DHRSX: variants seen among roughly 807,000 people sequenced by gnomAD.
DHRSX encodes the protein polyprenol dehydrogenase.
Under a neutral mutation model 34.0 loss-of-function variants are expected in DHRSX, and 31 were observed. The ratio of observed to expected loss-of-function variants is 0.91; its 90% confidence interval spans 0.69 to 1.23. The LOEUF is 1.23. Among genes scored for constraint, DHRSX ranks in the 50% most tolerant of loss-of-function variants. The pLI is 0.00. For missense variants in DHRSX, 414 were observed against 428.1 expected, an observed-to-expected ratio of 0.97 and a Z score of 0.29; for synonymous variants, 201 against 183.8, an observed-to-expected ratio of 1.09 and a Z score of -0.76.
intron 6 of DHRSX, among the ~76,000 whole-genome samples, chrX:2,236,408 G>A (rs2016016459): frequency 6.6e-6 from 1 of 152,062 alleles, no homozygotes; most frequent in Admixed American, 6.6e-5. Flanking sequence ...AGTCCCTGGT[G>A]GCTCTACCTG....
intron 1 of DHRSX, among the ~76,000 whole-genome samples, chrX:2,440,930 G>C (rs7882515): frequency 0.12 from 17,763 of 152,124 alleles, 1,946 homozygotes; most frequent in African/African-American, 0.29. Flanking sequence ...AGCATGAAGA[G>C]CAACGCTGTA....
At chrX:2,347,179 G>C (rs1295911485) in intron 3 of DHRSX, among the ~76,000 whole-genome samples, 4 of 152,196 alleles carry the variant, frequency 2.6e-5, no homozygotes, top group African/African-American at 4.8e-5. Context: ...AGTTCCACGT[G>C]GCTGGGGAAG....
intron 5 of DHRSX, among the ~76,000 whole-genome samples, chrX:2,243,796 T>TTTGTTTTGTTTTG (rs1362801766): frequency 1.5e-5 from 1 of 66,642 alleles, no homozygotes; most frequent in African/African-American, 8.7e-5. Context: ...CTGTTTTTTT[T>TTTGTTTTGTTTTG]TTTTTTTTTT....
intron 2 of DHRSX, among the ~76,000 whole-genome samples, chrX:2,419,823 TGGGGGGA>T (rs1454981898): frequency 1.6e-4 from 4 of 25,110 alleles, no homozygotes; most frequent in South Asian, 2.9e-3. Context: ...TGTTGTGGGG[TGGGGGGA>T]GGGGGGAGGG....
At chrX:2,477,576 G>A (rs2044699704) in intron 1 of DHRSX, among the ~76,000 whole-genome samples, 1 of 152,148 alleles carries the variant, frequency 6.6e-6, no homozygotes, top group Admixed American at 6.5e-5. Flanking sequence ...CCAGGCGCGG[G>A]GGCTCACACC....
chrX:2,366,052 G>C (rs1029557070), intron 3 of DHRSX, among the ~76,000 whole-genome samples: 2 of 152,030 alleles, frequency 1.3e-5, no homozygotes, highest in Non-Finnish European at 2.9e-5. Flanking sequence ...TTCACCACAC[G>C]GCCAATTTAT....
chrX:2,396,380 T>TTTTC (rs1556504766), intron 3 of DHRSX, among the ~76,000 whole-genome samples: 7 of 139,342 alleles, frequency 5.0e-5, no homozygotes, highest in Non-Finnish European at 1.1e-4. Flanking sequence ...TTTTTCTTTT[T>TTTTC]TTTTTTTTTT....
At chrX:2,227,050 CTCCATGAAATG>C (rs2124398382) in intron 6 of DHRSX, among the ~76,000 whole-genome samples, 1 of 152,140 alleles carries the variant, frequency 6.6e-6, no homozygotes, top group East Asian at 1.9e-4. Context: ...TTCCTCCTAA[CTCCATGAAATG>C]TCTTTCCGGA....
At chrX:2,324,880 T>C (rs1228375400) in intron 3 of DHRSX, among the ~76,000 whole-genome samples, 2 of 150,492 alleles carry the variant, frequency 1.3e-5, no homozygotes, top group Non-Finnish European at 3.0e-5. Flanking sequence ...GCAATTCGCC[T>C]GCCTCAGCCT....
At chrX:2,435,629 G>A (rs2043982081) in intron 1 of DHRSX, among the ~76,000 whole-genome samples, 1 of 152,116 alleles carries the variant, frequency 6.6e-6, no homozygotes, top group East Asian at 1.9e-4. Context: ...GCCAGGCATG[G>A]TGGCTTGCAT....
At chrX:2,308,141 G>T (rs1300703426) in intron 3 of DHRSX, among the ~76,000 whole-genome samples, 1 of 152,140 alleles carries the variant, frequency 6.6e-6, no homozygotes, top group African/African-American at 2.4e-5. Context: ...GCTACAAAAT[G>T]AGTGTCTGCC....
At chrX:2,259,603 C>T (rs1435410999) in intron 5 of DHRSX, among the ~76,000 whole-genome samples, 2 of 152,104 alleles carry the variant, frequency 1.3e-5, no homozygotes, top group Non-Finnish European at 2.9e-5. Flanking sequence ...TTCAAAGTCA[C>T]AGAAATTCAT....
At chrX:2,389,403 T>C (rs1207070794) in intron 3 of DHRSX, among the ~76,000 whole-genome samples, 2 of 151,624 alleles carry the variant, frequency 1.3e-5, no homozygotes, top group African/African-American at 4.8e-5. Context: ...GTGATGAAAG[T>C]GATGGCGGTA....
intron 1 of DHRSX, among the ~76,000 whole-genome samples, chrX:2,473,063 T>A (rs760850133): frequency 6.6e-6 from 1 of 152,118 alleles, no homozygotes; most frequent in South Asian, 2.1e-4. Flanking sequence ...GGCACCTAGC[T>A]CTAGCCAGTT....
intron 3 of DHRSX, among the ~76,000 whole-genome samples, chrX:2,386,882 G>GTTTTTTTTTTTTTTT: frequency 8.1e-6 from 1 of 124,098 alleles, no homozygotes; most frequent in Non-Finnish European, 1.8e-5. Context: ...TGATGGTTTT[G>GTTTTTTTTTTTTTTT]TTTTTTTTTT....
intron 3 of DHRSX, among the ~76,000 whole-genome samples, chrX:2,384,036 G>A (rs188451424): frequency 2.1e-3 from 314 of 152,324 alleles, no homozygotes; most frequent in African/African-American, 6.5e-3. Context: ...AAACCTGGAA[G>A]CCGAGAGACT....
At chrX:2,282,410 A>C (rs1489390561) in intron 4 of DHRSX, among the ~76,000 whole-genome samples, 1 of 142,222 alleles carries the variant, frequency 7.0e-6, no homozygotes, top group Non-Finnish European at 1.5e-5. Context: ...GAAAGAGAGA[A>C]AGGGGGAGAG....
chrX:2,353,109 G>A (rs1445337979), intron 3 of DHRSX, among the ~76,000 whole-genome samples: 6 of 152,166 alleles, frequency 3.9e-5, no homozygotes, highest in Admixed American at 6.6e-5. Flanking sequence ...GCAGGGCATG[G>A]TAGCACGTGC....
At chrX:2,416,649 C>T (rs1426690793) in intron 2 of DHRSX, among the ~76,000 whole-genome samples, 1 of 151,996 alleles carries the variant, frequency 6.6e-6, no homozygotes, top group African/African-American at 2.4e-5. Context: ...TTACCCACCC[C>T]ACTTTCATCT....
Sources: allele counts gnomAD v4.1 joint callset (sites outside exome capture counted in the v4.1 genomes callset), GRCh38; gene constraint gnomAD v4.1.1; transcripts MANE v1.5; gene names NCBI Gene and HGNC (gene_info 2026-07-23, HGNC 2026-07-21).